The following MAP4K3 variants were observed in gnomAD, a reference collection of about 807,000 sequenced individuals.
MAP4K3 encodes the protein mitogen-activated protein kinase kinase kinase kinase 3.
Under a neutral mutation model 143.5 loss-of-function variants are expected in MAP4K3, and 94 were observed. The ratio of observed to expected loss-of-function variants is 0.65; its 90% CI spans 0.55 to 0.78. The LOEUF (loss-of-function observed/expected upper bound fraction) is 0.78, where lower values mean the gene tolerates loss of function less well. Among genes scored for constraint, MAP4K3 ranks in the 30% least tolerant of loss-of-function variants. MAP4K3 has a pLI of 0.00. For synonymous variants in MAP4K3, 416 were observed against 347.2 expected, an observed-to-expected ratio of 1.20 and a Z score of -2.20; for missense variants, 1,077 against 1,068.1, an observed-to-expected ratio of 1.01 and a Z score of -0.12.
At chr2:39,386,438 T>C (rs1031722892) in intron 1 of MAP4K3, among the ~76,000 whole-genome samples, 2 of 152,246 alleles carry the variant, frequency 1.3e-5, no homozygotes, top group African/African-American at 2.4e-5. Context: ...TAGTTTCTTT[T>C]ATGAATTGTG....
intron 1 of MAP4K3, among the ~76,000 whole-genome samples, chr2:39,407,798 A>T (rs1168451352): frequency 1.3e-5 from 2 of 152,098 alleles, no homozygotes; most frequent in Non-Finnish European, 2.9e-5. Context: ...CTGGTCTCAA[A>T]TTCCTGGGCT....
intron 7 of MAP4K3, among the ~76,000 whole-genome samples, chr2:39,333,228 G>GT (rs1683737370): frequency 6.6e-6 from 1 of 152,178 alleles, no homozygotes; most frequent in South Asian, 2.1e-4. Context: ...TGGTTACAAG[G>GT]TAATTCTGTA....
At chr2:39,404,840 C>T (rs972030660) in intron 1 of MAP4K3, among the ~76,000 whole-genome samples, 10 of 152,028 alleles carry the variant, frequency 6.6e-5, no homozygotes, top group African/African-American at 1.9e-4. Flanking sequence ...AGGCTGGTCT[C>T]GAACTCCCAA....
chr2:39,337,743 C>T (rs918777792), intron 4 of MAP4K3, among the ~76,000 whole-genome samples, 162 bp from the exon 5 acceptor site: 2 of 143,310 alleles, frequency 1.4e-5, no homozygotes, highest in South Asian at 4.4e-4. Context: ...CCTACTGTGC[C>T]TGGCTCCAGT....
chr2:39,401,845 C>T (rs1165917453), intron 1 of MAP4K3, among the ~76,000 whole-genome samples: 2 of 152,060 alleles, frequency 1.3e-5, no homozygotes, highest in African/African-American at 4.8e-5. Flanking sequence ...GAAGTAATTT[C>T]ACTGCACCAC....
Position 39,336,902 on chromosome 2 carries a change from TA to T in MAP4K3, c.414+17del. The T allele has an allele frequency of 9.3e-7, 1 of 1,079,056 alleles. No individual in the cohort carries two copies. The highest frequency in any genetic ancestry group is 1.3e-6 in the Non-Finnish European group (1 of 755,224). The allele number at this position is 1,079,056 out of a possible 1,614,324, so 66.8% of individuals were successfully genotyped here. On this transcript the variant is annotated intron_variant, in intron 6 of 33. Transcript: ENST00000263881. ...AAAAATGAAGAGAGGGTTATTATGT[TA>T]AAAATATAATGTATACCTTTATATC...
chr2:39,300,390 C>T (rs1162851652), intron 15 of MAP4K3, among the ~76,000 whole-genome samples: 9 of 152,124 alleles, frequency 5.9e-5, no homozygotes, highest in Non-Finnish European at 1.2e-4. Flanking sequence ...GGCAGTTCCT[C>T]AACTGTTTAA....
intron 1 of MAP4K3, among the ~76,000 whole-genome samples, chr2:39,428,984 G>A (rs1038228919): frequency 3.7e-5 from 5 of 134,756 alleles, no homozygotes; most frequent in South Asian, 2.5e-4. Flanking sequence ...AGAATTGCTT[G>A]AACCCAGGAG....
intron 1 of MAP4K3, among the ~76,000 whole-genome samples, chr2:39,396,756 A>G (rs1040945159): frequency 6.6e-6 from 1 of 152,194 alleles, no homozygotes; most frequent in Non-Finnish European, 1.5e-5. Context: ...TACAGACGTG[A>G]GCCACCGCGC....
intron 15 of MAP4K3, among the ~76,000 whole-genome samples, chr2:39,302,763 C>G (rs769250377): frequency 2.6e-5 from 4 of 152,170 alleles, no homozygotes; most frequent in Non-Finnish European, 5.9e-5. Flanking sequence ...AGTGTTTACA[C>G]AGTAGAGTCA....
At chr2:39,288,077 T>C in intron 20 of MAP4K3, 44 bp downstream of exon 20, 2 of 1,607,572 alleles carry the variant, frequency 1.2e-6, no homozygotes, top group Non-Finnish European at 1.7e-6. Context: ...CTCCCCATAG[T>C]ATGAAAACCT....
chr2:39,347,557 A>G (rs1351012085), intron 3 of MAP4K3, among the ~76,000 whole-genome samples: 1 of 151,960 alleles, frequency 6.6e-6, no homozygotes, highest in African/African-American at 2.4e-5. Context: ...GTTGTTTTCT[A>G]CTCCTTTTGT....
At position 39,272,309 on chromosome 2, in the gene MAP4K3, G is replaced by A. The variant is rs1344703846; in HGVS notation, c.1947C>T (p.His649=). 1.2e-6 allele frequency: 2 copies of A among 1,613,286 alleles called. No individual in the cohort carries two copies. The highest frequency in any genetic ancestry group is 2.2e-5 in the South Asian group (2 of 91,060). ...TTGGCAGTATTCTGTCAGGGAGTTT[G>A]TGTGCTGGAATAGCAACAGGTAACT... The part of the protein sequence containing the change: ...MQKLPVAIPA[H]KLPDRILPRK... Residue 649 remains histidine, a synonymous_variant, in exon 26 of 34, where the codon CAC becomes CAT. Coordinates refer to ENST00000263881, the MANE Select transcript of MAP4K3 (RefSeq NM_003618.4).
At chr2:39,333,840 A>C (rs1445235449) in intron 6 of MAP4K3, among the ~76,000 whole-genome samples, 1 of 152,202 alleles carries the variant, frequency 6.6e-6, no homozygotes, top group African/African-American at 2.4e-5. Flanking sequence ...GTGATATATT[A>C]GTTTTCATCA....
chr2:39,305,448 A>C (rs891339667), intron 15 of MAP4K3, among the ~76,000 whole-genome samples: 3 of 152,186 alleles, frequency 2.0e-5, no homozygotes, highest in Non-Finnish European at 2.9e-5. Context: ...TTTGCACTTT[A>C]AATCACCTCA....
intron 1 of MAP4K3, among the ~76,000 whole-genome samples, chr2:39,381,632 C>G (rs947081358): frequency 2.0e-4 from 31 of 152,026 alleles, no homozygotes; most frequent in African/African-American, 7.5e-4. Context: ...AAATTTACGT[C>G]TATAATCTGA....
rs747869138 is a variant in MAP4K3, at chr2:39,343,462, GAA to G, written c.246-12_246-11del. On this transcript the variant is annotated splice_polypyrimidine_tract_variant and intron_variant, in intron 3 of 33. Transcript: ENST00000263881. ...CCAAAGCTTATCTCGCCTATAAAGA[GAA>G]AAGAAGCATGTATCATATTTTCATG... is the stretch of plus-strand genomic sequence containing the variant. 6.2e-7 allele frequency: 1 copy of G among 1,609,698 alleles called. No individual in the cohort carries two copies. The highest frequency in any genetic ancestry group is 8.5e-7 in the Non-Finnish European group (1 of 1,177,066).
chr2:39,342,423 C>CCCGGCCCTTCATCATCCTTTTTCTA (rs1665170437), intron 4 of MAP4K3, among the ~76,000 whole-genome samples: 1 of 152,138 alleles, frequency 6.6e-6, no homozygotes, highest in African/African-American at 2.4e-5. Flanking sequence ...AGCCACTGCA[C>CCCGGCCCTTCATCATCCTTTTTCTA]CCGGCCCTTC....
At chr2:39,306,634 T>A (rs996973728) in intron 15 of MAP4K3, among the ~76,000 whole-genome samples, 1 of 152,198 alleles carries the variant, frequency 6.6e-6, no homozygotes, top group African/African-American at 2.4e-5. Flanking sequence ...TACTTTTTTT[T>A]AAAGGAATCC....
Sources: gnomAD v4.1 joint callset for allele counts (sites outside exome capture counted in the v4.1 genomes callset) on GRCh38, gnomAD v4.1.1 for gene constraint, MANE v1.5 for transcripts, NCBI Gene and HGNC (gene_info 2026-07-23, HGNC 2026-07-21) for gene names.